The following CFAP61 variants were observed in gnomAD, a reference collection of about 807,000 sequenced individuals.
CFAP61 encodes the protein cilia and flagella associated protein 61, also known as cilia- and flagella-associated protein 61.
Under a neutral mutation model 135.6 loss-of-function variants are expected in CFAP61, and 107 were observed. That is an observed-to-expected ratio of 0.79 (90% CI 0.67 to 0.93). The LOEUF (loss-of-function observed/expected upper bound fraction) is 0.93, where lower values mean the gene tolerates loss of function less well. Ranked by LOEUF, CFAP61 falls within the 40% of genes least tolerant of loss-of-function variation. The probability of loss-of-function intolerance (pLI) is 0.00; values close to 1 mark genes in which losing one functional copy is unlikely to be tolerated. For synonymous variants in CFAP61, 575 were observed against 578.5 expected, an observed-to-expected ratio of 0.99 and a Z score of 0.09; for missense variants, 1,507 against 1,556.2, an observed-to-expected ratio of 0.97 and a Z score of 0.53.
chr20:20,303,838 T>C (rs539189298), intron 25 of CFAP61, among the ~76,000 whole-genome samples: 4 of 152,198 alleles, frequency 2.6e-5, no homozygotes, highest in Non-Finnish European at 4.4e-5. Flanking sequence ...GCATTGTTGT[T>C]CTGCAAGTCA....
At chr20:20,351,090 T>G (rs1354046062) in intron 26 of CFAP61, among the ~76,000 whole-genome samples, 1 of 151,950 alleles carries the variant, frequency 6.6e-6, no homozygotes, top group Non-Finnish European at 1.5e-5. Context: ...AAACATAGGA[T>G]CAGAATTCCT....
At position 20,262,970 on chromosome 20, in the gene CFAP61, A is replaced by G; in HGVS notation, c.2343A>G (p.Thr781=). The change falls in exon 21 of 27, where the codon ACA becomes ACG. Residue 781 remains threonine, a synonymous_variant. Transcript: ENST00000245957. The part of the protein sequence containing the change: ...TGQQYQVPCP[T]EADISQHLTN... ...ACATGCTTCAGGTCCCATGCCCTAC[A>G]GAGGCTGATATTAGTCAACACCTGA... 1 of 1,613,058 alleles carries G rather than the reference A, an allele frequency of 6.2e-7. No individual in the cohort carries two copies. The highest frequency in any genetic ancestry group is 8.5e-7 in the Non-Finnish European group (1 of 1,179,458).
chr20:20,337,809 C>T (rs908071296), intron 25 of CFAP61, among the ~76,000 whole-genome samples: 1 of 152,090 alleles, frequency 6.6e-6, no homozygotes, highest in African/African-American at 2.4e-5. Flanking sequence ...AGACCTCTTG[C>T]CAGGGTTGGC....
intron 20 of CFAP61, among the ~76,000 whole-genome samples, chr20:20,255,083 C>T (rs1438165720): frequency 6.6e-6 from 1 of 152,232 alleles, no homozygotes; most frequent in African/African-American, 2.4e-5. Context: ...CTTGCTCTGT[C>T]AACTTCAGAC....
intron 8 of CFAP61, among the ~76,000 whole-genome samples, chr20:20,121,103 C>CTTTTTTTTTTTTTTTTTTTTTTTTCT (rs869290856): frequency 8.8e-6 from 1 of 113,612 alleles, no homozygotes; most frequent in African/African-American, 3.4e-5. Context: ...TTTATTTTTA[C>CTTTTTTTTTTTTTTTTTTTTTTTTCT]TTTTTTTTTT....
intron 13 of CFAP61, 66 bp downstream of exon 13, chr20:20,169,526 C>A: frequency 1.5e-6 from 2 of 1,325,048 alleles, no homozygotes; most frequent in Non-Finnish European, 2.0e-6. Context: ...GAACAAGGAA[C>A]TCCCTGCTAT....
At position 20,359,407 on chromosome 20, in the gene CFAP61, G is replaced by C. The variant is rs2059392009; in HGVS notation, c.3514-803G>C. Among the ~76,000 whole-genome samples the C allele has an allele frequency of 3.9e-5, 6 of 152,136 alleles. No homozygotes were observed. The South Asian group carries it at 1.2e-3, about 32-fold the overall frequency. ...AGGCAGGGCGTGGTGGCTCATGCCTGTAATCCCAGCACTTTGGGAGGCCGA... is the reference window on the plus strand; with the variant it reads ...AGGCAGGGCGTGGTGGCTCATGCCTCTAATCCCAGCACTTTGGGAGGCCGA... On this transcript the variant is annotated intron_variant, in intron 26 of 26. Transcript: ENST00000245957. This position sits in a 1 kb window ranked among gnomAD's most constrained non-coding sequence, Gnocchi z 4.0.
At position 20,177,428 on chromosome 20, in the gene CFAP61, C is replaced by A. The variant is rs1023854099; in HGVS notation, c.1385+7968C>A. Among the ~76,000 whole-genome samples, 149 of 152,066 alleles carry A rather than the reference C, an allele frequency of 9.8e-4. 1 individual carries two copies. Among genetic ancestry groups the A allele is most frequent in the Non-Finnish European group, 7.4e-5 (5 of 68,008 alleles). Reference sequence around the variant, plus strand: ...GTTTGTATCTCCAGGGTCTTGGTTTCTTTCCTTTCTTCCACCCTCCCTCCA... The same window carrying A: ...GTTTGTATCTCCAGGGTCTTGGTTTATTTCCTTTCTTCCACCCTCCCTCCA... On this transcript the variant is annotated intron_variant, in intron 13 of 26. Coordinates refer to ENST00000245957, the MANE Select transcript of CFAP61 (RefSeq NM_015585.4).
chr20:20,200,643 A>C, intron 17 of CFAP61: 1 of 973,968 alleles, frequency 1.0e-6, no homozygotes, highest in Non-Finnish European at 1.2e-6. Context: ...GTAAAAAAAA[A>C]AAAAATCCCT....
Position 20,288,650 on chromosome 20 carries a change from G to A in CFAP61, c.2838G>A (p.Thr946=), listed in dbSNP as rs145397130. 4.7e-5 allele frequency: 76 copies of A among 1,613,972 alleles called. No individual in the cohort carries two copies. Among genetic ancestry groups the A allele is most frequent in the South Asian group, 1.1e-4 (10 of 91,076 alleles). ...GTGAGAAGAATGTGGATTATGAAAC[G>A]TTTAAAGCCCTCAATGATGCATGTC... ...SFCEKNVDYE[T]FKALNDACLV... Residue 946 remains threonine, a synonymous_variant, in exon 23 of 27, where the codon ACG becomes ACA. Coordinates refer to ENST00000245957, the MANE Select transcript of CFAP61 (RefSeq NM_015585.4).
rs1299070093 is a variant in CFAP61, at chr20:20,337,354, G to GTGGA, written c.3423-4435_3423-4432dup. Reference sequence around the variant, plus strand: ...GATGGATGGATAGATGGGTGGGTGGGTGGATGGATGGATGGATGGATGGAT... The same window carrying GTGGA: ...GATGGATGGATAGATGGGTGGGTGGGTGGATGGATGGATGGATGGATGGATGGAT... On this transcript the variant is annotated intron_variant, in intron 25 of 26. Coordinates refer to ENST00000245957, the MANE Select transcript of CFAP61 (RefSeq NM_015585.4). 4.5e-3 allele frequency among the ~76,000 whole-genome samples: 23 copies of GTGGA among 5,070 alleles called. 1 individual carries two copies. Among genetic ancestry groups the GTGGA allele is most frequent in the African/African-American group, 9.6e-3 (23 of 2,408 alleles). 3.3% of individuals were successfully genotyped at this position (5,070 alleles called of 152,430 possible). A position where few individuals can be genotyped will look rare whatever the true frequency, so the allele number is the denominator to read the frequency against.
chr20:20,154,165 G>A (rs941271801), intron 9 of CFAP61, among the ~76,000 whole-genome samples: 1 of 151,914 alleles, frequency 6.6e-6, no homozygotes. Flanking sequence ...ATTCCTGTAG[G>A]ATTAAAACCC....
rs142646558 is a variant in CFAP61, at chr20:20,323,353, A to G, written c.3423-18478A>G. 23 of 972,954 alleles carry G rather than the reference A, an allele frequency of 2.4e-5. No homozygotes were observed. The African/African-American group carries it at 3.5e-4, about 15-fold the overall frequency. The allele number at this position is 972,954 out of a possible 1,614,324, so 60.3% of individuals were successfully genotyped here. A position where few individuals can be genotyped will look rare whatever the true frequency, so the allele number is the denominator to read the frequency against. ...CAGACAGTCCCCTACTTTCAAACAC[A>G]ATTTGTTCCTAAAAGCAAGTATGGA... On this transcript the variant is annotated intron_variant, in intron 25 of 26. Coordinates refer to ENST00000245957, the MANE Select transcript of CFAP61 (RefSeq NM_015585.4).
In CFAP61 at chr20:20,300,241, A is replaced by C. The variant is rs569377788; in HGVS notation, c.3422+1855A>C. 3.9e-5 allele frequency among the ~76,000 whole-genome samples: 6 copies of C among 152,328 alleles called. No individual in the cohort carries two copies. The South Asian group carries it at 1.2e-3, about 32-fold the overall frequency. On this transcript the variant is annotated intron_variant, in intron 25 of 26. Transcript: ENST00000245957. ...CATGTTACTGTCTTATGTATTTACT[A>C]TACTATACATTTTATCATTATTTTC...
chr20:20,228,421 A>T (rs2048894297), intron 18 of CFAP61, 45 bp downstream of exon 18: 1 of 1,526,650 alleles, frequency 6.6e-7, no homozygotes, highest in Non-Finnish European at 9.0e-7. Context: ...TAAATAATAA[A>T]AATTATCTTC....
intron 18 of CFAP61, among the ~76,000 whole-genome samples, chr20:20,235,477 G>A (rs1443940193): frequency 3.3e-5 from 5 of 151,826 alleles, no homozygotes; most frequent in Admixed American, 2.0e-4. Flanking sequence ...GGACACACTC[G>A]GCCAATGCCA....
chr20:20,091,392 A>G (rs2047187743), intron 7 of CFAP61, among the ~76,000 whole-genome samples: 3 of 152,188 alleles, frequency 2.0e-5, no homozygotes, highest in Admixed American at 1.3e-4. Context: ...ACACTTAAAG[A>G]AAGTTTATAA....
At chr20:20,223,800 A>C (rs2048553049) in intron 17 of CFAP61, among the ~76,000 whole-genome samples, 1 of 152,218 alleles carries the variant, frequency 6.6e-6, no homozygotes, top group African/African-American at 2.4e-5. Flanking sequence ...CTCTTGACAA[A>C]TGTATCTGAA....
At chr20:20,353,600 T>A (rs6046816) in intron 26 of CFAP61, among the ~76,000 whole-genome samples, 2 of 152,160 alleles carry the variant, frequency 1.3e-5, no homozygotes, top group Non-Finnish European at 2.9e-5. Context: ...ACCAGAAATA[T>A]GCTGTCGGAA....
Sources: allele counts gnomAD v4.1 joint callset (sites outside exome capture counted in the v4.1 genomes callset), GRCh38; gene constraint gnomAD v4.1.1; non-coding constraint Gnocchi (gnomAD v3.1); transcripts MANE v1.5; gene names NCBI Gene and HGNC (gene_info 2026-07-23, HGNC 2026-07-21).